The following CNTN6 variants were observed in gnomAD, a reference collection of about 807,000 sequenced individuals.
The protein encoded by CNTN6 is contactin 6.
CNTN6 carries 137 observed loss-of-function variants against 122.8 expected under a neutral mutation model. The ratio of observed to expected loss-of-function variants is 1.12; its 90% CI spans 0.97 to 1.29. The LOEUF (loss-of-function observed/expected upper bound fraction) is 1.29. Among genes scored for constraint, CNTN6 ranks in the 50% most tolerant of loss-of-function variants. CNTN6 has a pLI of 0.00. For missense variants in CNTN6, 1,634 were observed against 1,223.4 expected (o/e 1.34, Z -5.01); for synonymous variants, 570 against 426.0 (o/e 1.34, Z -4.16).
chr3:1,309,315 A>T (rs553815390), intron 7 of CNTN6, among the ~76,000 whole-genome samples: 4 of 152,298 alleles, frequency 2.6e-5, no homozygotes, highest in African/African-American at 9.6e-5. Context: ...TTTGTGAAAG[A>T]TATGACTTCT....
At chr3:1,159,829 T>TC (rs201272814) in intron 2 of CNTN6, among the ~76,000 whole-genome samples, 6 of 151,704 alleles carry the variant, frequency 4.0e-5, no homozygotes, top group South Asian at 2.1e-4. Context: ...TTTTTCTTTT[T>TC]CCCCCCCTCA....
intron 17 of CNTN6, among the ~76,000 whole-genome samples, chr3:1,381,436 G>C (rs1691866808): frequency 6.6e-6 from 1 of 152,092 alleles, no homozygotes; most frequent in Admixed American, 6.5e-5. Flanking sequence ...GGTCATCTCG[G>C]GTAATGGGGG....
intron 2 of CNTN6, among the ~76,000 whole-genome samples, chr3:1,156,681 TTCCCTCCC>T (rs3043054): frequency 6.8e-6 from 1 of 146,704 alleles, no homozygotes; most frequent in African/African-American, 2.5e-5. Flanking sequence ...CTTCCTTCCT[TTCCCTCCC>T]TCCCTTCCTT....
chr3:1,369,353 C>G (rs1325548289), intron 12 of CNTN6, among the ~76,000 whole-genome samples: 2 of 149,472 alleles, frequency 1.3e-5, no homozygotes, highest in Non-Finnish European at 3.0e-5. Context: ...TGTGAAGCAA[C>G]ACTCCTTATC....
intron 7 of CNTN6, among the ~76,000 whole-genome samples, chr3:1,318,475 G>A (rs1700420122): frequency 6.6e-6 from 1 of 151,796 alleles, no homozygotes. Context: ...AGCCCGCTGG[G>A]AATTCTAATT....
intron 7 of CNTN6, among the ~76,000 whole-genome samples, chr3:1,318,981 G>A (rs1183977242): frequency 6.6e-6 from 1 of 151,676 alleles, no homozygotes; most frequent in South Asian, 2.1e-4. Context: ...TAAGAAAGGT[G>A]TATCTAAATA....
At chr3:1,102,710 A>G (rs1479806600) in intron 1 of CNTN6, among the ~76,000 whole-genome samples, 1 of 149,922 alleles carries the variant, frequency 6.7e-6, no homozygotes, top group East Asian at 2.0e-4. Flanking sequence ...CCTGGGCGAC[A>G]GGGCGAGACT....
intron 7 of CNTN6, 85 bp downstream of exon 7, chr3:1,298,076 T>A: frequency 1.1e-6 from 1 of 881,350 alleles, no homozygotes; most frequent in Non-Finnish European, 1.8e-6. Context: ...TATATTGCTC[T>A]AAGGTAAATT....
chr3:1,298,173 G>T (rs1390471365), intron 7 of CNTN6, 182 bp downstream of exon 7: 2 of 537,668 alleles, frequency 3.7e-6, no homozygotes, highest in East Asian at 3.1e-5. Flanking sequence ...CAATGACCAG[G>T]CCTGTAACTG....
chr3:1,274,938 C>A (rs1172630946), intron 4 of CNTN6, among the ~76,000 whole-genome samples: 1 of 152,052 alleles, frequency 6.6e-6, no homozygotes, highest in Non-Finnish European at 1.5e-5. Context: ...GATCTTTTAT[C>A]TTCCCAAATG....
chr3:1,384,955 G>A (rs189681965), intron 19 of CNTN6, among the ~76,000 whole-genome samples: 26 of 151,166 alleles, frequency 1.7e-4, no homozygotes, highest in Admixed American at 1.3e-3. Context: ...ATCCCTAGTC[G>A]CCTCTTCTCT....
At chr3:1,392,385 C>G (rs1385794063) in intron 20 of CNTN6, among the ~76,000 whole-genome samples, 1 of 152,166 alleles carries the variant, frequency 6.6e-6, no homozygotes, top group Admixed American at 6.5e-5. Flanking sequence ...CCCTTCCTTA[C>G]ACCTTATACA....
chr3:1,381,793 A>G (rs1396353786), intron 17 of CNTN6, among the ~76,000 whole-genome samples: 5 of 152,030 alleles, frequency 3.3e-5, no homozygotes, highest in Non-Finnish European at 7.4e-5. Flanking sequence ...TGCTCTGTGT[A>G]TATCTATCAT....
chr3:1,097,183 C>T (rs1216585700), intron 1 of CNTN6, among the ~76,000 whole-genome samples: 2 of 152,188 alleles, frequency 1.3e-5, no homozygotes, highest in Admixed American at 1.3e-4. Flanking sequence ...AGCCATTGGG[C>T]ATGCCTTCTG....
At chr3:1,114,142 A>G (rs1357674474) in intron 1 of CNTN6, among the ~76,000 whole-genome samples, 1 of 152,218 alleles carries the variant, frequency 6.6e-6, no homozygotes, top group African/African-American at 2.4e-5. Context: ...TGGCTTGATG[A>G]GTATACACCA....
intron 5 of CNTN6, among the ~76,000 whole-genome samples, chr3:1,280,759 C>T (rs1276730637): frequency 6.6e-6 from 1 of 151,970 alleles, no homozygotes; most frequent in African/African-American, 2.4e-5. Context: ...GTCACCGCAC[C>T]TGGTCCGAGA....
At chr3:1,379,950 G>T (rs993698477) in intron 17 of CNTN6, among the ~76,000 whole-genome samples, 8 of 152,138 alleles carry the variant, frequency 5.3e-5, no homozygotes, top group African/African-American at 1.9e-4. Flanking sequence ...TAGCTTCTCT[G>T]TTCCTATCAG....
chr3:1,202,258 G>C (rs1381930092), intron 2 of CNTN6, among the ~76,000 whole-genome samples: 1 of 152,242 alleles, frequency 6.6e-6, no homozygotes, highest in Non-Finnish European at 1.5e-5. Context: ...TAACATGTTT[G>C]GGCCGGGCGC....
chr3:1,156,748 C>G (rs1464873982), intron 2 of CNTN6, among the ~76,000 whole-genome samples: 1 of 150,074 alleles, frequency 6.7e-6, no homozygotes, highest in Non-Finnish European at 1.5e-5. Flanking sequence ...CAGTCTCGCT[C>G]TGTTGCCAAG....
Sources: allele counts gnomAD v4.1 joint callset (sites outside exome capture counted in the v4.1 genomes callset), GRCh38; gene constraint gnomAD v4.1.1; transcripts MANE v1.5; gene names NCBI Gene and HGNC (gene_info 2026-07-23, HGNC 2026-07-21).